Variants in YAE1 observed in about 807,000 individuals in gnomAD.
The protein encoded by YAE1 is protein YAE1 homolog.
YAE1 carries 22 observed loss-of-function variants against 23.0 expected under a neutral mutation model. That is an observed-to-expected ratio of 0.96 (90% CI 0.68 to 1.37). The LOEUF (loss-of-function observed/expected upper bound fraction) is 1.37, where lower values mean the gene tolerates loss of function less well. YAE1 is among the 40% of genes most tolerant of loss of function. YAE1 has a pLI of 0.00. For missense variants in YAE1, 260 were observed against 262.1 expected (o/e 0.99, Z 0.06); for synonymous variants, 101 against 97.0 (o/e 1.04, Z -0.24).
At chr7:39,611,624 G>C (rs1381764563), downstream of YAE1, among the ~76,000 whole-genome samples, 2 of 152,228 alleles carry the variant, frequency 1.3e-5, no homozygotes, top group Non-Finnish European at 2.9e-5. Flanking sequence ...CCCTGCCCAA[G>C]GTTGCTAATA....
rs1232623966 is a variant in YAE1, at chr7:39,609,689, G to T, written c.324G>T (p.Leu108=). 8 of 1,535,560 alleles carry T rather than the reference G, an allele frequency of 5.2e-6. No individual in the cohort carries two copies. The South Asian group carries it at 8.3e-5, about 16-fold the overall frequency. ...GTCCGGAGGTTGGGACGCAACTACT[G>T]CCGCGTCCCCTCCCGGTCCCCGGCC... Residue 108 remains leucine (L), a synonymous_variant, in exon 3 of 3, where the codon CTG becomes CTT. Coordinates refer to the YAE1 transcript ENST00000432096.
chr7:39,608,231 C>T (rs796932951), intron 2 of YAE1, among the ~76,000 whole-genome samples: 1 of 152,196 alleles, frequency 6.6e-6, no homozygotes, highest in Non-Finnish European at 1.5e-5. Flanking sequence ...TGCCATTTGC[C>T]TATAGTTCTA....
At chr7:39,567,214 G>A (rs1469401844) in intron 1 of YAE1, among the ~76,000 whole-genome samples, 2 of 152,146 alleles carry the variant, frequency 1.3e-5, no homozygotes, top group Non-Finnish European at 2.9e-5. Context: ...TTAAATTGCC[G>A]CTAAAGCTGC....
intron 1 of YAE1, 45 bp from the exon 2 acceptor site, chr7:39,570,461 G>GTA: frequency 6.3e-7 from 1 of 1,599,770 alleles, no homozygotes; most frequent in Non-Finnish European, 8.5e-7. Flanking sequence ...AAGCCTACAT[G>GTA]TATATACTTA....
chr7:39,592,232 T>C (rs1161535758), intron 2 of YAE1, among the ~76,000 whole-genome samples: 1 of 152,044 alleles, frequency 6.6e-6, no homozygotes, highest in Non-Finnish European at 1.5e-5. Flanking sequence ...GGTAAGAGTA[T>C]GTTTAGTCCT....
chr7:39,598,071 A>C (rs1405013097), intron 2 of YAE1, among the ~76,000 whole-genome samples: 1 of 151,946 alleles, frequency 6.6e-6, no homozygotes, highest in Non-Finnish European at 1.5e-5. Context: ...TGGTGTCCTA[A>C]AGTCCTGGGA....
exon 3 of YAE1, chr7:39,610,271 T>A: frequency 1.9e-6 from 1 of 522,076 alleles, no homozygotes. Context: ...CAACAAACTA[T>A]GTGTCTTGAA....
chr7:39,608,136 G>A (rs1791156947), intron 2 of YAE1, among the ~76,000 whole-genome samples: 1 of 152,126 alleles, frequency 6.6e-6, no homozygotes, highest in Admixed American at 6.5e-5. Context: ...GAATAACCCT[G>A]AAATCAACAA....
intron 2 of YAE1, among the ~76,000 whole-genome samples, chr7:39,588,095 C>A (rs886776279): frequency 6.6e-6 from 1 of 152,196 alleles, no homozygotes; most frequent in Non-Finnish European, 1.5e-5. Flanking sequence ...TCCAGTCTTC[C>A]TTTTGCTCCA....
At chr7:39,601,934 C>T (rs1247997293) in intron 2 of YAE1, among the ~76,000 whole-genome samples, 1 of 151,896 alleles carries the variant, frequency 6.6e-6, no homozygotes, top group Non-Finnish European at 1.5e-5. Flanking sequence ...CTTCAAGGGG[C>T]ATAATGCCGA....
exon 3 of YAE1, chr7:39,610,092 C>A: frequency 7.7e-7 from 1 of 1,290,470 alleles, no homozygotes; most frequent in Non-Finnish European, 1.0e-6. Context: ...GATGGACCAG[C>A]CCACCTTGGC....
chr7:39,592,989 G>A (rs1047344862), intron 2 of YAE1, among the ~76,000 whole-genome samples: 2 of 151,850 alleles, frequency 1.3e-5, no homozygotes, highest in African/African-American at 4.8e-5. Context: ...ACAAGTCACT[G>A]GGACTCTGCT....
At chr7:39,599,943 G>A (rs1334943098) in intron 2 of YAE1, among the ~76,000 whole-genome samples, 6 of 152,120 alleles carry the variant, frequency 3.9e-5, no homozygotes, top group Non-Finnish European at 7.4e-5. Flanking sequence ...TATTTGCATA[G>A]TATTCAACAA....
chr7:39,592,160 G>A (rs1422970626), intron 2 of YAE1, among the ~76,000 whole-genome samples: 1 of 152,140 alleles, frequency 6.6e-6, no homozygotes, highest in East Asian at 1.9e-4. Context: ...GCATGTTTTT[G>A]CATGAACATA....
At chr7:39,584,712 A>G (rs1790789973) in intron 2 of YAE1, among the ~76,000 whole-genome samples, 1 of 152,080 alleles carries the variant, frequency 6.6e-6, no homozygotes, top group Non-Finnish European at 1.5e-5. Context: ...GAACACTGCT[A>G]TCATTTGTAA....
chr7:39,570,760 GAATT>G, intron 2 of YAE1, 133 bp downstream of exon 2: 2 of 1,164,228 alleles, frequency 1.7e-6, no homozygotes, highest in Non-Finnish European at 2.3e-6. Context: ...GCAGATCATA[GAATT>G]ATATTGCCTT....
intron 2 of YAE1, among the ~76,000 whole-genome samples, chr7:39,606,184 A>G (rs904736685): frequency 6.6e-6 from 1 of 151,976 alleles, no homozygotes; most frequent in Non-Finnish European, 1.5e-5. Context: ...TTTGTGCTCA[A>G]AAAAAATAAA....
At chr7:39,591,086 T>C (rs1218048782) in intron 2 of YAE1, among the ~76,000 whole-genome samples, 6 of 152,236 alleles carry the variant, frequency 3.9e-5, no homozygotes, top group Non-Finnish European at 8.8e-5. Context: ...TGCCTTCTTG[T>C]GTCTTCACAT....
At chr7:39,575,139 T>C (rs1284623342), downstream of YAE1, among the ~76,000 whole-genome samples, 1 of 152,226 alleles carries the variant, frequency 6.6e-6, no homozygotes, top group African/African-American at 2.4e-5. Flanking sequence ...GCCCCAGAGC[T>C]GGCACAGCCA....
Sources: gnomAD v4.1 joint callset for allele counts (sites outside exome capture counted in the v4.1 genomes callset) on GRCh38, gnomAD v4.1.1 for gene constraint, MANE v1.5 for transcripts, NCBI Gene and HGNC (gene_info 2026-07-23, HGNC 2026-07-21) for gene names.